The following RNF152 variants were observed in gnomAD, a reference collection of about 807,000 sequenced individuals.
The protein encoded by RNF152 is E3 ubiquitin-protein ligase RNF152.
RNF152 carries 11 observed loss-of-function variants against 12.7 expected under a neutral mutation model. The observed-to-expected ratio is 0.86, with a 90% confidence interval of 0.54 to 1.43. The LOEUF (loss-of-function observed/expected upper bound fraction) is 1.43, where lower values mean the gene tolerates loss of function less well. Among genes scored for constraint, RNF152 ranks in the 40% most tolerant of loss-of-function variants. The pLI is 0.00. For missense variants in RNF152, 255 were observed against 274.8 expected, an observed-to-expected ratio of 0.93 and a Z score of 0.51; for synonymous variants, 113 against 120.3, an observed-to-expected ratio of 0.94 and a Z score of 0.40.
intron 1 of RNF152, among the ~76,000 whole-genome samples, chr18:61,847,096 C>G (rs944117572): frequency 6.6e-6 from 1 of 152,028 alleles, no homozygotes; most frequent in Non-Finnish European, 1.5e-5. Context: ...ACTCCTCCCC[C>G]ATACTTAGTC....
At chr18:61,851,195 C>T (rs766368488) in intron 1 of RNF152, among the ~76,000 whole-genome samples, 1 of 152,082 alleles carries the variant, frequency 6.6e-6, no homozygotes, top group Admixed American at 6.5e-5. Flanking sequence ...TGTACTCACC[C>T]CATCCCTCCC....
intron 1 of RNF152, among the ~76,000 whole-genome samples, chr18:61,885,637 C>G (rs1401808765): frequency 6.6e-6 from 1 of 152,142 alleles, no homozygotes; most frequent in Non-Finnish European, 1.5e-5. Flanking sequence ...TAATGTATTT[C>G]TGGTCATTTT....
chr18:61,847,737 G>A (rs552412245), intron 1 of RNF152, among the ~76,000 whole-genome samples: 15 of 152,088 alleles, frequency 9.9e-5, no homozygotes, highest in African/African-American at 1.9e-4. Flanking sequence ...TGGAATTCCC[G>A]GTCTCCCTCC....
In RNF152 at chr18:61,863,365, G is replaced by A. The variant is rs570279811; in HGVS notation, c.-136+29430C>T. On this transcript the variant is annotated intron_variant, in intron 1 of 1. Transcript: ENST00000312828. ...CAGGAGAATCACTTGAACCTGGGAAGTGGAGGTTGCAGTGAGCGGCGATCG... is the reference window on the plus strand; with the variant it reads ...CAGGAGAATCACTTGAACCTGGGAAATGGAGGTTGCAGTGAGCGGCGATCG... Among the ~76,000 whole-genome samples the A allele has an allele frequency of 2.7e-5, 4 of 150,730 alleles. No individual in the cohort carries two copies. In the South Asian group the frequency reaches 6.3e-4, roughly 24 times the overall value.
intron 1 of RNF152, among the ~76,000 whole-genome samples, chr18:61,827,772 G>A (rs1346558350): frequency 6.6e-6 from 1 of 152,104 alleles, no homozygotes; most frequent in Non-Finnish European, 1.5e-5. Context: ...CTAAAATTAA[G>A]CACTGCAGGG....
chr18:61,865,417 G>A (rs7227060), intron 1 of RNF152, among the ~76,000 whole-genome samples: 83,012 of 152,016 alleles, frequency 0.55, 22,698 homozygotes, highest in East Asian at 0.74. Context: ...TTTGAAAGGA[G>A]ATTGCTTCCA....
chr18:61,876,990 G>C (rs902516518), intron 1 of RNF152, among the ~76,000 whole-genome samples: 3 of 152,166 alleles, frequency 2.0e-5, no homozygotes, highest in Non-Finnish European at 2.9e-5. Context: ...TGGAGACAGG[G>C]ATTTTGACTG....
chr18:61,825,677 C>T (rs941509771), intron 1 of RNF152, among the ~76,000 whole-genome samples: 2 of 152,044 alleles, frequency 1.3e-5, no homozygotes, highest in African/African-American at 4.8e-5. Flanking sequence ...GAGAGTTGTG[C>T]CTTAGGGACT....
intron 1 of RNF152, among the ~76,000 whole-genome samples, chr18:61,827,709 G>A (rs1007225828): frequency 6.6e-6 from 1 of 152,094 alleles, no homozygotes; most frequent in Non-Finnish European, 1.5e-5. Flanking sequence ...ATGATTCATG[G>A]CACGAGTTAA....
At chr18:61,853,934 G>A (rs991559775) in intron 1 of RNF152, among the ~76,000 whole-genome samples, 3 of 151,974 alleles carry the variant, frequency 2.0e-5, no homozygotes, top group Non-Finnish European at 2.9e-5. Flanking sequence ...CCCCTGTTGT[G>A]CCCATCCTCC....
chr18:61,828,481 G>A (rs78544041), intron 1 of RNF152, among the ~76,000 whole-genome samples: 27,364 of 152,080 alleles, frequency 0.18, 2,581 homozygotes, highest in African/African-American at 0.22. Context: ...CTGAAGTGCA[G>A]TGACACAATC....
At chr18:61,879,469 T>C (rs1254405580) in intron 1 of RNF152, among the ~76,000 whole-genome samples, 2 of 152,098 alleles carry the variant, frequency 1.3e-5, no homozygotes, top group Non-Finnish European at 2.9e-5. Context: ...AGATACTGAG[T>C]GACGACTGTA....
chr18:61,847,819 T>C (rs1452581282), intron 1 of RNF152, among the ~76,000 whole-genome samples: 1 of 152,000 alleles, frequency 6.6e-6, no homozygotes, highest in African/African-American at 2.4e-5. Flanking sequence ...ACACCTACTC[T>C]TCCCTCTGCT....
chr18:61,878,773 C>T (rs1241218658), intron 1 of RNF152, among the ~76,000 whole-genome samples: 1 of 152,122 alleles, frequency 6.6e-6, no homozygotes, highest in Non-Finnish European at 1.5e-5. Flanking sequence ...GAAGCCTCTT[C>T]GGGCATTAAT....
rs780214175 is a variant in RNF152 at position 61,816,462 on chromosome 18, ATGG to A, written c.-2_1del. The A allele has an allele frequency of 1.3e-6, 2 of 1,595,310 alleles. No individual in the cohort carries two copies. The highest frequency in any genetic ancestry group is 2.7e-5 in the African/African-American group (2 of 74,648). On this transcript the variant is annotated start_lost and start_retained_variant and 5_prime_UTR_variant, in exon 2 of 2. Transcript: ENST00000312828. ...CAGAGAGTCCTGGGACAGCGTCTCC[ATGG>A]TGGACCGTGAGCAGGAAGGGCAAGG...
intron 1 of RNF152, among the ~76,000 whole-genome samples, chr18:61,866,886 A>C (rs1322876795): frequency 6.6e-6 from 1 of 151,434 alleles, no homozygotes; most frequent in Non-Finnish European, 1.5e-5. Context: ...TGAAACTTTA[A>C]AAAGCAAAAC....
At chr18:61,833,703 T>C (rs575285178) in intron 1 of RNF152, among the ~76,000 whole-genome samples, 8 of 152,290 alleles carry the variant, frequency 5.3e-5, no homozygotes, top group South Asian at 4.1e-4. Flanking sequence ...CTATGCATTT[T>C]AAAAATGTCA....
chr18:61,809,950 G>C lies in RNF152; in HGVS notation c.*5902C>G, dbSNP rs1902676369. 6.6e-6 allele frequency: 1 copy of C among 151,332 alleles called. No homozygotes were observed. The highest frequency in any genetic ancestry group is 2.4e-5 in the African/African-American group (1 of 41,120). 9.4% of individuals were successfully genotyped at this position (151,332 alleles called of 1,614,324 possible). A position where few individuals can be genotyped will look rare whatever the true frequency, so the allele number is the denominator to read the frequency against. ...CAAATTGCAGGGATTCGGGAATAAT[G>C]GTGCACTCGCCCTAACCACTTGAGC... On this transcript the variant is annotated 3_prime_UTR_variant, in exon 2 of 2. Transcript: ENST00000312828.
At chr18:61,840,878 T>C (rs1250098202) in intron 1 of RNF152, among the ~76,000 whole-genome samples, 2 of 152,196 alleles carry the variant, frequency 1.3e-5, no homozygotes, top group African/African-American at 2.4e-5. Flanking sequence ...CAGAGCCTTT[T>C]CCCCTTCCCT....
Sources: allele counts gnomAD v4.1 joint callset (sites outside exome capture counted in the v4.1 genomes callset), GRCh38; gene constraint gnomAD v4.1.1; transcripts MANE v1.5; gene names NCBI Gene and HGNC (gene_info 2026-07-23, HGNC 2026-07-21).